The following IL23R variants were observed in gnomAD, a reference collection of about 807,000 sequenced individuals.
IL23R encodes interleukin 23 receptor.
A neutral mutation model predicts 56.9 loss-of-function variants in IL23R; 34 were observed. The observed-to-expected ratio is 0.60, with a 90% CI of 0.45 to 0.80. IL23R has a LOEUF of 0.80. Among genes scored for constraint, IL23R ranks in the 30% least tolerant of loss-of-function variants. The pLI is 0.00. For missense variants in IL23R, 635 were observed against 730.0 expected, an observed-to-expected ratio of 0.87 and a Z score of 1.50; for synonymous variants, 230 against 249.2, an observed-to-expected ratio of 0.92 and a Z score of 0.73.
At chr1:67,145,978 C>T (rs868133764) in intron 1 of IL23R, among the ~76,000 whole-genome samples, 2 of 152,258 alleles carry the variant, frequency 1.3e-5, no homozygotes, top group South Asian at 4.1e-4. Context: ...TTTTTGGAAA[C>T]CAACCAATAT....
chr1:67,234,222 T>C (rs900390308), intron 7 of IL23R, among the ~76,000 whole-genome samples: 2 of 152,326 alleles, frequency 1.3e-5, no homozygotes, highest in African/African-American at 4.8e-5. Context: ...TACATAGCTT[T>C]GTTTCAGTCC....
intron 7 of IL23R, among the ~76,000 whole-genome samples, chr1:67,231,244 T>C (rs904948334): frequency 6.6e-6 from 1 of 152,216 alleles, no homozygotes; most frequent in Non-Finnish European, 1.5e-5. Context: ...TTTGGCTCAG[T>C]AATTCCTCTT....
intron 1 of IL23R, among the ~76,000 whole-genome samples, chr1:67,158,938 T>C (rs1646793716): frequency 2.7e-5 from 2 of 73,010 alleles, no homozygotes; most frequent in Admixed American, 2.7e-4. Context: ...CAGTGATTGA[T>C]AGTGAGACTA....
intron 7 of IL23R, among the ~76,000 whole-genome samples, chr1:67,223,963 G>A (rs932650513): frequency 2.0e-5 from 3 of 151,328 alleles, no homozygotes; most frequent in African/African-American, 4.8e-5. Flanking sequence ...GTATGTTGTC[G>A]AACTGCTTTT....
At chr1:67,258,443 C>A in intron 10 of IL23R, 35 bp from the exon 11 acceptor site, 1 of 1,545,250 alleles carries the variant, frequency 6.5e-7, no homozygotes, top group South Asian at 1.2e-5. Context: ...TTTTAAATGT[C>A]TTTTGCAAAA....
intron 9 of IL23R, among the ~76,000 whole-genome samples, chr1:67,253,992 A>G (rs1652801425): frequency 6.6e-6 from 1 of 152,166 alleles, no homozygotes; most frequent in Admixed American, 6.5e-5. Flanking sequence ...ATTTAATACA[A>G]CTATTCATTA....
At chr1:67,188,175 C>G (rs562344088) in intron 4 of IL23R, among the ~76,000 whole-genome samples, 1 of 152,074 alleles carries the variant, frequency 6.6e-6, no homozygotes, top group Non-Finnish European at 1.5e-5. Flanking sequence ...TCAGTAATAC[C>G]CCAGGGATCT....
At chr1:67,172,712 G>T (rs895813354) in intron 3 of IL23R, among the ~76,000 whole-genome samples, 1 of 152,088 alleles carries the variant, frequency 6.6e-6, no homozygotes, top group Non-Finnish European at 1.5e-5. Context: ...AAGCACATTT[G>T]TTATTCAATA....
Position 67,185,162 on chromosome 1 carries a change from C to T in IL23R, c.491+2203C>T, listed in dbSNP as rs548035932. Among the ~76,000 whole-genome samples the T allele has an allele frequency of 7.0e-4, 107 of 152,244 alleles. 1 individual carries two copies. Among genetic ancestry groups the T allele is most frequent in the Non-Finnish European group, 1.2e-3 (82 of 68,022 alleles). ...TCAAAGAGACTAAGACAGCTGCATA[C>T]AATTATTTTTCCCATTTGTATAGAC... On this transcript the variant is annotated intron_variant, in intron 4 of 10. Transcript: ENST00000347310.
intron 1 of IL23R, among the ~76,000 whole-genome samples, chr1:67,159,609 T>A (rs1466801758): frequency 1.3e-5 from 2 of 152,104 alleles, no homozygotes; most frequent in East Asian, 3.8e-4. Context: ...AAATGATAAA[T>A]AATAATTCTC....
intron 4 of IL23R, among the ~76,000 whole-genome samples, chr1:67,186,742 C>G (rs1157052195): frequency 6.6e-6 from 1 of 152,046 alleles, no homozygotes; most frequent in Non-Finnish European, 1.5e-5. Flanking sequence ...TCTCAGCCTC[C>G]TGAGTAGCTG....
chr1:67,186,334 T>G (rs1187992545), intron 4 of IL23R, among the ~76,000 whole-genome samples: 3 of 152,220 alleles, frequency 2.0e-5, no homozygotes, highest in Admixed American at 2.0e-4. Context: ...CTTTTATTTT[T>G]AATATAACCC....
Position 67,168,196 on chromosome 1 carries a change from G to C in IL23R, c.70+6G>C. The C allele has an allele frequency of 6.3e-7, 1 of 1,584,172 alleles. No individual in the cohort carries two copies. The highest frequency in any genetic ancestry group is 1.1e-5 in the South Asian group (1 of 90,404). ...CTTCAGCTGGTGTCATGGAGGTATG[G>C]TGTTTTATGTATCTATTGCTATCTT... On this transcript the variant is annotated splice_donor_region_variant and intron_variant, in intron 2 of 10. Coordinates refer to ENST00000347310, the MANE Select transcript of IL23R (RefSeq NM_144701.3).
Position 67,259,488 on chromosome 1 carries a change from G to C in IL23R, c.*360G>C, listed in dbSNP as rs1653126126. On this transcript the variant is annotated 3_prime_UTR_variant, in exon 11 of 11. Transcript: ENST00000347310. The stretch of plus-strand genomic sequence containing the variant: ...TCCCGAAGGTGGAACATGCTTCATG[G>C]TCACACATACAGGCACAAAAACAGC... 1 of 318,260 alleles carries C rather than the reference G, an allele frequency of 3.1e-6. No individual in the cohort carries two copies. The highest frequency in any genetic ancestry group is 2.2e-5 in the African/African-American group (1 of 46,068). The allele number at this position is 318,260 out of a possible 1,614,324, so 19.7% of individuals were successfully genotyped here.
chr1:67,201,063 G>A (rs1648591657), intron 5 of IL23R, among the ~76,000 whole-genome samples, 166 bp downstream of exon 5: 1 of 152,106 alleles, frequency 6.6e-6, no homozygotes, highest in South Asian at 2.1e-4. Flanking sequence ...TTAGAGATGA[G>A]TAGTGCTGCT....
intron 4 of IL23R, among the ~76,000 whole-genome samples, chr1:67,190,919 A>G (rs909884219): frequency 2.0e-5 from 3 of 152,216 alleles, no homozygotes; most frequent in Non-Finnish European, 4.4e-5. Flanking sequence ...TAATAACCAG[A>G]AAGAGTTCTT....
chr1:67,165,108 C>G (rs562887404), upstream of IL23R, among the ~76,000 whole-genome samples: 3 of 152,188 alleles, frequency 2.0e-5, no homozygotes, highest in East Asian at 1.9e-4. Context: ...ACTCAGGAAG[C>G]TGAAATGGGA....
intron 9 of IL23R, among the ~76,000 whole-genome samples, chr1:67,248,384 C>G (rs1652383197): frequency 6.6e-6 from 1 of 152,102 alleles, no homozygotes; most frequent in South Asian, 2.1e-4. Flanking sequence ...CTCTGGTATT[C>G]TTTCTTCCAC....
intron 6 of IL23R, among the ~76,000 whole-genome samples, chr1:67,216,123 C>T (rs1174363376): frequency 1.3e-5 from 2 of 152,088 alleles, no homozygotes; most frequent in Non-Finnish European, 1.5e-5. Context: ...AAATTGAGCT[C>T]CCAGTTGCGA....
Sources: gnomAD v4.1 joint callset for allele counts (sites outside exome capture counted in the v4.1 genomes callset) on GRCh38, gnomAD v4.1.1 for gene constraint, MANE v1.5 for transcripts, NCBI Gene and HGNC (gene_info 2026-07-23, HGNC 2026-07-21) for gene names.